Variants in AKAP9 observed in about 807,000 individuals in gnomAD.
AKAP9 encodes the protein A-kinase anchoring protein 9, also known as A-kinase anchor protein 9.
Under a neutral mutation model 488.5 loss-of-function variants are expected in AKAP9, and 311 were observed. The ratio of observed to expected loss-of-function variants is 0.64; its 90% CI spans 0.58 to 0.70. The LOEUF (loss-of-function observed/expected upper bound fraction) is 0.70, where lower values mean the gene tolerates loss of function less well. AKAP9 is among the 30% of genes least tolerant of loss of function. The probability of loss-of-function intolerance (pLI) is 0.00; values close to 1 mark genes in which losing one functional copy is unlikely to be tolerated. For missense variants in AKAP9, 4,215 were observed against 4,374.5 expected (o/e 0.96, Z 1.03); for synonymous variants, 1,462 against 1,483.5 (o/e 0.99, Z 0.33).
chr7:92,082,705 A>G, intron 32 of AKAP9, 43 bp downstream of exon 32: 3 of 1,603,010 alleles, frequency 1.9e-6, no homozygotes, highest in Non-Finnish European at 2.6e-6. Flanking sequence ...ATTTCTACCT[A>G]TCTTAATTAC....
intron 3 of AKAP9, among the ~76,000 whole-genome samples, chr7:91,988,815 T>C (rs1797424779): frequency 6.6e-6 from 1 of 152,206 alleles, no homozygotes. Context: ...ATTATTATTA[T>C]ACTTTAAGTT....
chr7:92,035,996 A>G (rs1805132482), intron 16 of AKAP9, among the ~76,000 whole-genome samples: 2 of 151,902 alleles, frequency 1.3e-5, no homozygotes, highest in Non-Finnish European at 2.9e-5. Context: ...TTCTTTTTGA[A>G]GAAAATTCTT....
chr7:91,944,593 G>C (rs568939747), intron 1 of AKAP9, among the ~76,000 whole-genome samples: 1 of 152,076 alleles, frequency 6.6e-6, no homozygotes, highest in East Asian at 1.9e-4. Flanking sequence ...CACCATGTTG[G>C]CCAGGCTGGT....
At chr7:92,047,767 A>G (rs1807255090) in intron 21 of AKAP9, among the ~76,000 whole-genome samples, 1 of 152,240 alleles carries the variant, frequency 6.6e-6, no homozygotes, top group Non-Finnish European at 1.5e-5. Context: ...TAATATTGAG[A>G]TAAGAGAAAA....
chr7:92,060,584 A>G (rs1458621803), intron 22 of AKAP9, among the ~76,000 whole-genome samples: 1 of 152,164 alleles, frequency 6.6e-6, no homozygotes, highest in Non-Finnish European at 1.5e-5. Flanking sequence ...TTAAGAATGT[A>G]GTCAGTATGT....
At chr7:91,978,403 G>A (rs1185742304) in intron 2 of AKAP9, among the ~76,000 whole-genome samples, 3 of 152,122 alleles carry the variant, frequency 2.0e-5, no homozygotes, top group African/African-American at 7.2e-5. Context: ...ATTTCCATAG[G>A]TGTAGATGAG....
rs964485926 is a variant in AKAP9, at chr7:92,110,509, A to G, written c.*350A>G. 16 of 303,244 alleles carry G rather than the reference A, an allele frequency of 5.3e-5. No homozygotes were observed. In the East Asian group the frequency reaches 8.4e-4, roughly 16 times the overall value. 18.8% of individuals were successfully genotyped at this position (303,244 alleles called of 1,614,324 possible). ...GCTCGAGGTGTCCTGCACTTTTCTT[A>G]TAAGGCTACTGAAGTTACATGTTTT... On this transcript the variant is annotated 3_prime_UTR_variant, in exon 50 of 50. Transcript: ENST00000356239.
intron 14 of AKAP9, among the ~76,000 whole-genome samples, chr7:92,024,093 T>A (rs923223989): frequency 6.6e-6 from 1 of 151,892 alleles, no homozygotes; most frequent in Non-Finnish European, 1.5e-5. Context: ...GTATACATTA[T>A]GCACATTTTA....
In AKAP9 at chr7:92,002,703, A is replaced by C; in HGVS notation, c.2786A>C (p.Glu929Ala). 1 of 1,613,646 alleles carries C rather than the reference A, an allele frequency of 6.2e-7. No homozygotes were observed. Reference sequence around the variant, plus strand: ...AAAACTTTTGTAGCAGAAACATTGGAAATGGGTGAGGTTGTTGAAAAGGAT... The same window carrying C: ...AAAACTTTTGTAGCAGAAACATTGGCAATGGGTGAGGTTGTTGAAAAGGAT... Reference protein sequence around the residue: ...EDKTFVAETLEMGEVVEKDTT... With the variant: ...EDKTFVAETLAMGEVVEKDTT... The change falls in exon 8 of 50, where the codon GAA becomes GCA. Residue 929 changes from glutamate (E) to alanine (A), a missense_variant. Glu to Ala is a moderately radical substitution (Grantham distance 107). Around this residue, in one of 5 missense-constraint regions of AKAP9, gnomAD observed 2,361 missense variants for 2,430.0 expected, o/e 0.97. Transcript: ENST00000356239.
intron 2 of AKAP9, 121 bp downstream of exon 2, chr7:91,974,089 A>G: frequency 8.3e-7 from 1 of 1,209,642 alleles, no homozygotes. Flanking sequence ...AAGTTTTAGT[A>G]GTATGGTAAC....
intron 1 of AKAP9, among the ~76,000 whole-genome samples, chr7:91,944,082 T>C (rs1416576631): frequency 6.6e-6 from 1 of 152,190 alleles, no homozygotes; most frequent in East Asian, 1.9e-4. Context: ...GTATACTGTA[T>C]AAAATGTTTT....
At chr7:92,078,557 G>A (rs1812998452) in intron 30 of AKAP9, among the ~76,000 whole-genome samples, 1 of 150,596 alleles carries the variant, frequency 6.6e-6, no homozygotes, top group African/African-American at 2.4e-5. Flanking sequence ...GGGTGACAGA[G>A]TGAGACCCTG....
At chr7:91,994,837 C>A in intron 6 of AKAP9, 61 bp downstream of exon 6, 1 of 1,480,774 alleles carries the variant, frequency 6.8e-7, no homozygotes, top group Non-Finnish European at 9.3e-7. Flanking sequence ...TAAAAATTCA[C>A]TTTCAAGAAC....
chr7:92,080,854 T>C (rs1315120569), intron 31 of AKAP9, among the ~76,000 whole-genome samples: 3 of 152,094 alleles, frequency 2.0e-5, no homozygotes, highest in South Asian at 2.1e-4. Flanking sequence ...TAGCTAAGAG[T>C]TGGCTGTTTA....
At chr7:92,098,610 T>A (rs1817039384) in intron 43 of AKAP9, among the ~76,000 whole-genome samples, 1 of 152,220 alleles carries the variant, frequency 6.6e-6, no homozygotes, top group Non-Finnish European at 1.5e-5. Flanking sequence ...TTGACCTGTT[T>A]TATTTTCTTA....
chr7:92,046,770 G>C (rs1322631303), intron 21 of AKAP9, among the ~76,000 whole-genome samples: 1 of 152,146 alleles, frequency 6.6e-6, no homozygotes, highest in Non-Finnish European at 1.5e-5. Context: ...ATCAAATTAT[G>C]CTTTTTAAAA....
intron 33 of AKAP9, 33 bp from the exon 34 acceptor site, chr7:92,084,607 A>G (rs1367011195): frequency 6.4e-7 from 1 of 1,556,578 alleles, no homozygotes; most frequent in Non-Finnish European, 8.8e-7. Flanking sequence ...ATTAAAGCAA[A>G]AAATATATGT....
At chr7:92,040,997 A>G in intron 18 of AKAP9, 99 bp downstream of exon 18, 1 of 1,036,880 alleles carries the variant, frequency 9.6e-7, no homozygotes, top group South Asian at 1.5e-5. Context: ...TTTTTTATGT[A>G]GCCATAATTT....
intron 1 of AKAP9, among the ~76,000 whole-genome samples, chr7:91,953,811 C>T (rs563921397): frequency 3.4e-4 from 32 of 93,486 alleles, no homozygotes; most frequent in African/African-American, 1.1e-3. Context: ...CTTTACCCCC[C>T]GCCCCCCACC....
Sources: gnomAD v4.1 joint callset for allele counts (sites outside exome capture counted in the v4.1 genomes callset) on GRCh38, gnomAD v4.1.1 for gene constraint, gnomAD v4.1.1 regional missense constraint, MANE v1.5 for transcripts, NCBI Gene and HGNC (gene_info 2026-07-23, HGNC 2026-07-21) for gene names.